ATP2C1: variants seen among roughly 807,000 people sequenced by gnomAD.
ATP2C1 encodes ATPase secretory pathway Ca2+ transporting 1, also known as calcium-transporting ATPase type 2C member 1.
ATP2C1 carries 31 observed loss-of-function variants against 120.5 expected under a neutral mutation model. The ratio of observed to expected loss-of-function variants is 0.26; its 90% CI spans 0.19 to 0.35. The LOEUF is 0.35. Ranked by LOEUF, ATP2C1 falls within the 10% of genes least tolerant of loss-of-function variation. The pLI is 1.00. For missense variants in ATP2C1, 731 were observed against 1,107.5 expected, an observed-to-expected ratio of 0.66 and a Z score of 4.83; for synonymous variants, 351 against 358.7, an observed-to-expected ratio of 0.98 and a Z score of 0.24.
At chr3:130,996,936 ATGTG>A (rs1306722416) in intron 24 of ATP2C1, 140 bp downstream of exon 24, 2 of 716,354 alleles carry the variant, frequency 2.8e-6, no homozygotes, top group African/African-American at 1.8e-5. Context: ...AAATTGTGTG[ATGTG>A]TGTATTTTAT....
intron 17 of ATP2C1, among the ~76,000 whole-genome samples, chr3:130,970,655 A>G (rs2061268777): frequency 6.6e-6 from 1 of 152,038 alleles, no homozygotes; most frequent in South Asian, 2.1e-4. Flanking sequence ...GGCCTCCCAG[A>G]GTGCTGGGAT....
chr3:130,957,532 A>G (rs2108579332), intron 11 of ATP2C1, among the ~76,000 whole-genome samples: 1 of 152,116 alleles, frequency 6.6e-6, no homozygotes, highest in East Asian at 1.9e-4. Context: ...CTAGTTTAGT[A>G]TTTCAAAGTC....
intron 1 of ATP2C1, among the ~76,000 whole-genome samples, chr3:130,887,808 T>C (rs1169447225): frequency 2.0e-5 from 3 of 152,184 alleles, no homozygotes; most frequent in Non-Finnish European, 1.5e-5. Context: ...ACGAGCCCAC[T>C]TGTTGGTCTA....
intron 18 of ATP2C1, among the ~76,000 whole-genome samples, chr3:130,975,889 G>A (rs1307713071): frequency 2.0e-5 from 3 of 152,156 alleles, no homozygotes; most frequent in Non-Finnish European, 4.4e-5. Context: ...TTGCTAACTT[G>A]ATCTGTTACT....
intron 2 of ATP2C1, chr3:130,918,126 G>T: frequency 1.3e-6 from 1 of 754,828 alleles, no homozygotes; most frequent in Non-Finnish European, 2.3e-6. Context: ...AGTACTTAAT[G>T]CTGGTAGAAT....
chr3:130,878,923 C>T (rs527766508), intron 1 of ATP2C1, among the ~76,000 whole-genome samples: 2 of 152,126 alleles, frequency 1.3e-5, no homozygotes, highest in African/African-American at 2.4e-5. Context: ...CTATATCACT[C>T]CTAAAATTTG....
At chr3:130,905,046 G>A (rs1352730294) in intron 2 of ATP2C1, among the ~76,000 whole-genome samples, 2 of 152,028 alleles carry the variant, frequency 1.3e-5, no homozygotes, top group South Asian at 2.1e-4. Context: ...ATCACATGAT[G>A]TTCTGGGTGT....
intron 20 of ATP2C1, among the ~76,000 whole-genome samples, chr3:130,981,954 T>C (rs963942915): frequency 6.6e-6 from 1 of 152,226 alleles, no homozygotes; most frequent in African/African-American, 2.4e-5. Context: ...AGTCCTTTAT[T>C]AGATATTTGT....
chr3:130,951,257 T>C (rs2060357730), intron 8 of ATP2C1, among the ~76,000 whole-genome samples: 1 of 152,190 alleles, frequency 6.6e-6, no homozygotes, highest in African/African-American at 2.4e-5. Flanking sequence ...ATTGATCCTC[T>C]AAATAATTAA....
chr3:130,957,924 G>A (rs1402862715), intron 11 of ATP2C1, among the ~76,000 whole-genome samples: 1 of 152,114 alleles, frequency 6.6e-6, no homozygotes, highest in Admixed American at 6.6e-5. Context: ...TATCTTCATT[G>A]TAAACATAAA....
At chr3:130,891,732 A>G (rs852215), upstream of ATP2C1, among the ~76,000 whole-genome samples, 69,336 of 152,028 alleles carry the variant, frequency 0.46, 18,795 homozygotes, top group Non-Finnish European at 0.61. Context: ...TGAGATTCTT[A>G]CAAAAATCTT....
At chr3:130,893,787 C>T (rs769835930), upstream of ATP2C1, among the ~76,000 whole-genome samples, 1 of 152,294 alleles carries the variant, frequency 6.6e-6, no homozygotes, top group South Asian at 2.1e-4. Context: ...TGCATATAAA[C>T]GGGCGGACAC....
At chr3:130,992,021 T>C (rs1027918694) in intron 20 of ATP2C1, among the ~76,000 whole-genome samples, 2 of 152,142 alleles carry the variant, frequency 1.3e-5, no homozygotes, top group Non-Finnish European at 2.9e-5. Flanking sequence ...AACTTGTAAA[T>C]ATTGTTGGAG....
At chr3:130,959,176 C>T (rs2060709393) in intron 11 of ATP2C1, 99 bp from the exon 12 acceptor site, 1 of 869,066 alleles carries the variant, frequency 1.2e-6, no homozygotes, top group Non-Finnish European at 1.9e-6. Flanking sequence ...TATGCTTTCC[C>T]TTTTTTGTCA....
intron 27 of ATP2C1, among the ~76,000 whole-genome samples, chr3:131,000,461 A>G (rs2062832308): frequency 6.6e-6 from 1 of 152,238 alleles, no homozygotes; most frequent in Non-Finnish European, 1.5e-5. Flanking sequence ...TAGTGTGGAT[A>G]GTATTGTAAA....
intron 8 of ATP2C1, among the ~76,000 whole-genome samples, chr3:130,946,039 T>C (rs2060139794): frequency 6.6e-6 from 1 of 152,200 alleles, no homozygotes; most frequent in Non-Finnish European, 1.5e-5. Context: ...GACACTTTGC[T>C]TTGTGGTTCA....
intron 5 of ATP2C1, among the ~76,000 whole-genome samples, chr3:130,936,205 G>GTT (rs532266272): frequency 6.6e-6 from 1 of 151,228 alleles, no homozygotes; most frequent in Non-Finnish European, 1.5e-5. Context: ...ACAAATGTGT[G>GTT]TTTTTTTTAA....
At chr3:131,014,736 T>G (rs765720567) in intron 26 of ATP2C1, among the ~76,000 whole-genome samples, 2 of 152,210 alleles carry the variant, frequency 1.3e-5, no homozygotes, top group Non-Finnish European at 2.9e-5. Context: ...GGCAGTTTGT[T>G]AGAATATGAG....
chr3:130,998,643 G>C (rs1363689829), intron 26 of ATP2C1, among the ~76,000 whole-genome samples: 1 of 152,174 alleles, frequency 6.6e-6, no homozygotes, highest in Non-Finnish European at 1.5e-5. Flanking sequence ...TCTGCGTTTA[G>C]CTGGCTATAG....
Sources: gnomAD v4.1 joint callset for allele counts (sites outside exome capture counted in the v4.1 genomes callset) on GRCh38, gnomAD v4.1.1 for gene constraint, MANE v1.5 for transcripts, NCBI Gene and HGNC (gene_info 2026-07-23, HGNC 2026-07-21) for gene names.